PIEZO2: variants seen among roughly 807,000 people sequenced by gnomAD.
The protein encoded by PIEZO2 is piezo-type mechanosensitive ion channel component 2.
A neutral mutation model predicts 337.3 loss-of-function variants in PIEZO2; 172 were observed. The observed-to-expected ratio is 0.51, with a 90% CI of 0.45 to 0.58. PIEZO2 has a LOEUF of 0.58. Ranked by LOEUF, PIEZO2 falls within the 20% of genes least tolerant of loss-of-function variation. PIEZO2 has a pLI of 0.00. For missense variants in PIEZO2, 3,028 were observed against 3,391.3 expected (o/e 0.89, Z 2.66); for synonymous variants, 1,251 against 1,228.5 (o/e 1.02, Z -0.38).
At chr18:10,886,383 T>TAC (rs1598630809) in intron 4 of PIEZO2, among the ~76,000 whole-genome samples, 2 of 5,268 alleles carry the variant, frequency 3.8e-4, no homozygotes, top group Non-Finnish European at 6.7e-4. Flanking sequence ...TGTGTGTGTA[T>TAC]ATATATATAT....
intron 52 of PIEZO2, among the ~76,000 whole-genome samples, chr18:10,678,352 G>T (rs2034109727): frequency 6.6e-6 from 1 of 152,168 alleles, no homozygotes; most frequent in Non-Finnish European, 1.5e-5. Flanking sequence ...TTGGTAATTT[G>T]TACAGAATTG....
chr18:11,142,564 G>A (rs1402532768), intron 1 of PIEZO2, among the ~76,000 whole-genome samples: 1 of 151,978 alleles, frequency 6.6e-6, no homozygotes, highest in Non-Finnish European at 1.5e-5. Flanking sequence ...AGGATCACTT[G>A]AAGTCAGGAG....
Position 10,853,345 on chromosome 18 carries a change from C to T in PIEZO2, c.917+2008G>A, listed in dbSNP as rs1247823165. Among the ~76,000 whole-genome samples, 2 of 152,218 alleles carry T rather than the reference C, an allele frequency of 1.3e-5. No individual in the cohort carries two copies. Among genetic ancestry groups the T allele is most frequent in the Non-Finnish European group, 2.9e-5 (2 of 68,040 alleles). ...TCAAGTCGCCTGCTTAGCCCACTTC[C>T]AAGTGTACTTCACTTCCTTTCATTC... On this transcript the variant is annotated intron_variant, in intron 7 of 55. Coordinates refer to ENST00000674853, the MANE Select transcript of PIEZO2 (RefSeq NM_001378183.1). The surrounding 1 kb of genome is among the most constrained non-coding windows in gnomAD (Gnocchi z 4.2).
At chr18:10,769,962 A>G in intron 21 of PIEZO2, 186 bp downstream of exon 21, 1 of 560,924 alleles carries the variant, frequency 1.8e-6, no homozygotes. Context: ...CTCAGCCACG[A>G]GCCTCTTTCC....
At chr18:10,758,722 C>T (rs937551637) in intron 26 of PIEZO2, among the ~76,000 whole-genome samples, 1 of 152,122 alleles carries the variant, frequency 6.6e-6, no homozygotes, top group Non-Finnish European at 1.5e-5. Context: ...CCTTTCCATC[C>T]TCCTTTGCAT....
chr18:11,140,983 T>C (rs184519378), intron 1 of PIEZO2, among the ~76,000 whole-genome samples: 2 of 152,286 alleles, frequency 1.3e-5, no homozygotes, highest in East Asian at 3.9e-4. Flanking sequence ...TCTTGACCCA[T>C]GCAGATGAGT....
intron 2 of PIEZO2, among the ~76,000 whole-genome samples, chr18:10,997,746 A>T (rs192727171): frequency 3.3e-5 from 5 of 152,174 alleles, no homozygotes; most frequent in Admixed American, 3.3e-4. Flanking sequence ...AAAAGATTGA[A>T]AAAAGTTAAT....
At chr18:10,715,923 G>A (rs763815886) in intron 37 of PIEZO2, 107 bp from the exon 38 acceptor site, 23 of 886,870 alleles carry the variant, frequency 2.6e-5, no homozygotes, top group Middle Eastern at 3.5e-4. Context: ...CTCTTGGCCC[G>A]TGCATCTAAT....
chr18:11,084,413 T>C (rs1302679111), intron 1 of PIEZO2, among the ~76,000 whole-genome samples: 1 of 152,122 alleles, frequency 6.6e-6, no homozygotes, highest in African/African-American at 2.4e-5. Context: ...CGAACTGGCA[T>C]CATTCTTCTT....
intron 1 of PIEZO2, among the ~76,000 whole-genome samples, chr18:11,118,655 G>T (rs984086398): frequency 2.0e-5 from 3 of 152,144 alleles, no homozygotes; most frequent in African/African-American, 7.2e-5. Context: ...ATTTCCTAAG[G>T]ATAAGTCACT....
At chr18:10,920,423 G>A (rs865950406) in intron 3 of PIEZO2, among the ~76,000 whole-genome samples, 16 of 152,074 alleles carry the variant, frequency 1.1e-4, no homozygotes, top group South Asian at 2.1e-4. Context: ...TATGAACACC[G>A]GAAATAGCCT....
intron 3 of PIEZO2, among the ~76,000 whole-genome samples, chr18:10,926,015 T>C (rs1368058193): frequency 1.3e-5 from 2 of 152,242 alleles, no homozygotes; most frequent in Non-Finnish European, 2.9e-5. Flanking sequence ...TAGAGAAATA[T>C]TAATTCTTCA....
chr18:11,084,798 T>TCCCA (rs1461469716), intron 1 of PIEZO2, among the ~76,000 whole-genome samples: 4 of 152,338 alleles, frequency 2.6e-5, no homozygotes, highest in African/African-American at 9.6e-5. Context: ...GAAACACTGC[T>TCCCA]CCCAGGATCA....
rs188139014 is a variant in PIEZO2, at chr18:11,132,960, T to C, written c.64+15565A>G. ...GACCCAAACCCTTCAGGAATGAAGG[T>C]TTGGGTCACTCCACCAGGAAAAAAA... On this transcript the variant is annotated intron_variant, in intron 1 of 55. Transcript: ENST00000674853. This position sits in a 1 kb window ranked among gnomAD's most constrained non-coding sequence, Gnocchi z 4.7. Among the ~76,000 whole-genome samples the C allele has an allele frequency of 9.2e-4, 140 of 151,908 alleles. 1 individual carries two copies. The highest frequency in any genetic ancestry group is 3.2e-3 in the African/African-American group (132 of 41,458).
At chr18:10,823,176 G>C (rs774922210) in intron 7 of PIEZO2, among the ~76,000 whole-genome samples, 12 of 152,052 alleles carry the variant, frequency 7.9e-5, no homozygotes, top group Non-Finnish European at 1.3e-4. Flanking sequence ...AAATGTCTAG[G>C]TTCTCTTTTT....
chr18:11,017,890 G>A (rs966905095), intron 2 of PIEZO2, among the ~76,000 whole-genome samples: 2 of 152,176 alleles, frequency 1.3e-5, no homozygotes, highest in African/African-American at 2.4e-5. Flanking sequence ...TGCATTGGGA[G>A]GTTAAGGTGG....
At position 11,126,631 on chromosome 18, in the gene PIEZO2, A is replaced by ATT. The variant is rs10713072; in HGVS notation, c.64+21892_64+21893dup. On this transcript the variant is annotated intron_variant, in intron 1 of 55. Coordinates refer to ENST00000674853, the MANE Select transcript of PIEZO2 (RefSeq NM_001378183.1). This position sits in a 1 kb window ranked among gnomAD's most constrained non-coding sequence, Gnocchi z 4.6. Reference sequence around the variant, plus strand: ...CAAGAGCAGGAGCCATGCCTTACATATTTTTTTTTTTTTGTATTCCCAGAA... The same window carrying ATT: ...CAAGAGCAGGAGCCATGCCTTACATATTTTTTTTTTTTTTTGTATTCCCAGAA... Among the ~76,000 whole-genome samples the ATT allele has an allele frequency of 1.4e-5, 2 of 145,890 alleles. No individual in the cohort carries two copies. The highest frequency in any genetic ancestry group is 6.9e-5 in the Admixed American group (1 of 14,460).
At chr18:10,736,357 G>A (rs542919295) in intron 34 of PIEZO2, among the ~76,000 whole-genome samples, 20 of 152,282 alleles carry the variant, frequency 1.3e-4, no homozygotes, top group Non-Finnish European at 1.6e-4. Flanking sequence ...ATAGTATCAG[G>A]AACTGTTTCA....
chr18:10,901,422 A>ACACACG (rs1304504450), intron 4 of PIEZO2, among the ~76,000 whole-genome samples: 46 of 88,060 alleles, frequency 5.2e-4, no homozygotes, highest in African/African-American at 2.2e-3. Context: ...CTATTCACAC[A>ACACACG]CACACACGCA....
Sources: allele counts gnomAD v4.1 joint callset (sites outside exome capture counted in the v4.1 genomes callset), GRCh38; gene constraint gnomAD v4.1.1; non-coding constraint Gnocchi (gnomAD v3.1); transcripts MANE v1.5; gene names NCBI Gene and HGNC (gene_info 2026-07-23, HGNC 2026-07-21).